SPATA13: variants seen among roughly 807,000 people sequenced by gnomAD.
SPATA13 encodes spermatogenesis-associated protein 13.
In SPATA13, 50 loss-of-function variants were observed where a neutral mutation model predicts 104.0. The ratio of observed to expected loss-of-function variants is 0.48; its 90% CI spans 0.38 to 0.61. The LOEUF is 0.61. Among genes scored for constraint, SPATA13 ranks in the 20% least tolerant of loss-of-function variants. SPATA13 has a pLI of 0.00. For missense variants in SPATA13, 1,524 were observed against 1,690.6 expected, an observed-to-expected ratio of 0.90 and a Z score of 1.73; for synonymous variants, 606 against 667.5, an observed-to-expected ratio of 0.91 and a Z score of 1.42.
intron 2 of SPATA13, among the ~76,000 whole-genome samples, chr13:24,227,261 C>G (rs1871997150): frequency 6.6e-6 from 1 of 152,096 alleles, no homozygotes; most frequent in Non-Finnish European, 1.5e-5. Flanking sequence ...ATTTTATTTT[C>G]TGCTTAACAG....
intron 1 of SPATA13, among the ~76,000 whole-genome samples, chr13:24,172,749 A>G (rs889154665): frequency 1.3e-5 from 2 of 152,232 alleles, no homozygotes; most frequent in Admixed American, 6.5e-5. Flanking sequence ...AGTCTTGATT[A>G]TCACAGCTGC....
rs1321174303 is a variant in SPATA13 at position 24,205,073 on chromosome 13, T to G, written c.-111-17746T>G. ...CTCTCACCATTCCTATTCAACATAG[T>G]TTTAGAAGTTCTGGCCAAAGCAGTC... On this transcript the variant is annotated intron_variant, in intron 1 of 12. Coordinates refer to ENST00000382108, the MANE Select transcript of SPATA13 (RefSeq NM_001166271.3). The surrounding 1 kb of genome is among the most constrained non-coding windows in gnomAD (Gnocchi z 4.1). 6.6e-6 allele frequency among the ~76,000 whole-genome samples: 1 copy of G among 152,110 alleles called. No individual in the cohort carries two copies. The highest frequency in any genetic ancestry group is 2.4e-5 in the African/African-American group (1 of 41,416).
chr13:24,200,898 T>C (rs1388626560), intron 1 of SPATA13, among the ~76,000 whole-genome samples: 1 of 152,128 alleles, frequency 6.6e-6, no homozygotes, highest in Admixed American at 6.5e-5. Flanking sequence ...AATCTTGCTT[T>C]AAAATTGAGG....
chr13:24,032,777 A>C (rs575270142), intron 3 of SPATA13, among the ~76,000 whole-genome samples: 2 of 152,332 alleles, frequency 1.3e-5, no homozygotes, highest in East Asian at 1.9e-4. Context: ...TGCTCACTAC[A>C]TTGGGGTGGC....
chr13:24,038,193 A>T (rs4770558), intron 3 of SPATA13, among the ~76,000 whole-genome samples: 21 of 152,272 alleles, frequency 1.4e-4, no homozygotes, highest in African/African-American at 5.1e-4. Flanking sequence ...GATTACAGGC[A>T]TGAGCCACCG....
At chr13:24,183,865 A>G (rs2138529236) in intron 1 of SPATA13, among the ~76,000 whole-genome samples, 1 of 152,254 alleles carries the variant, frequency 6.6e-6, no homozygotes, top group Non-Finnish European at 1.5e-5. Context: ...GTTTTGCTCC[A>G]TGTGACTTTT....
chr13:24,283,135 G>A (rs1384952243), intron 4 of SPATA13, among the ~76,000 whole-genome samples: 1 of 152,164 alleles, frequency 6.6e-6, no homozygotes, highest in African/African-American at 2.4e-5. Context: ...GCACTGTTCT[G>A]AGTCGCCTGC....
At chr13:24,185,080 C>T (rs1869062341) in intron 1 of SPATA13, among the ~76,000 whole-genome samples, 3 of 152,198 alleles carry the variant, frequency 2.0e-5, no homozygotes, top group Non-Finnish European at 4.4e-5. Context: ...TCTGTCACTG[C>T]ATTTGTTGCC....
intron 3 of SPATA13, among the ~76,000 whole-genome samples, chr13:24,058,895 A>T (rs1426274157): frequency 2.6e-5 from 4 of 151,808 alleles, no homozygotes; most frequent in Admixed American, 2.6e-4. Flanking sequence ...TGTTTACCCC[A>T]GTAATGATGC....
intron 1 of SPATA13, among the ~76,000 whole-genome samples, chr13:24,187,255 C>G (rs948170063): frequency 6.6e-6 from 1 of 152,062 alleles, no homozygotes; most frequent in African/African-American, 2.4e-5. Flanking sequence ...TTGCAGTCAT[C>G]CCTGCCTCAG....
At chr13:24,006,310 T>TAAAC (rs1158907447) in intron 2 of SPATA13, among the ~76,000 whole-genome samples, 1 of 152,210 alleles carries the variant, frequency 6.6e-6, no homozygotes, top group African/African-American at 2.4e-5. Flanking sequence ...CATCAGCAGG[T>TAAAC]AAACACACAG....
intron 3 of SPATA13, among the ~76,000 whole-genome samples, chr13:24,059,651 G>A (rs944121089): frequency 2.0e-5 from 3 of 152,184 alleles, no homozygotes; most frequent in African/African-American, 7.2e-5. Context: ...AAGTATAAGT[G>A]TGTCCATTTT....
At chr13:24,301,120 A>T (rs1339731388) in intron 12 of SPATA13, among the ~76,000 whole-genome samples, 3 of 152,158 alleles carry the variant, frequency 2.0e-5, no homozygotes, top group Admixed American at 2.0e-4. Flanking sequence ...CAGGATGCAG[A>T]TAATCTGGCC....
At chr13:24,301,593 T>C (rs6490891) in intron 12 of SPATA13, among the ~76,000 whole-genome samples, 58,630 of 152,126 alleles carry the variant, frequency 0.39, 11,858 homozygotes, top group East Asian at 0.59. Context: ...CACAGGTGGC[T>C]ACCGGGTGGG....
intron 3 of SPATA13, among the ~76,000 whole-genome samples, chr13:24,032,250 A>G (rs1566079332): frequency 6.6e-6 from 1 of 152,142 alleles, no homozygotes; most frequent in Non-Finnish European, 1.5e-5. Context: ...CTCCTTGGCT[A>G]TAAATTCCCA....
intron 3 of SPATA13, among the ~76,000 whole-genome samples, chr13:24,108,921 C>T (rs373377871): frequency 6.6e-6 from 1 of 152,148 alleles, no homozygotes; most frequent in African/African-American, 2.4e-5. Flanking sequence ...AATCTCTCTT[C>T]CCTGCTTGTA....
intron 1 of SPATA13, among the ~76,000 whole-genome samples, chr13:24,214,411 A>G (rs1175673838): frequency 1.3e-5 from 2 of 152,244 alleles, no homozygotes; most frequent in Admixed American, 1.3e-4. Flanking sequence ...GTGTCACGCC[A>G]TGAGAATAAT....
At chr13:24,178,588 A>T (rs184576754) in intron 1 of SPATA13, among the ~76,000 whole-genome samples, 133 of 152,300 alleles carry the variant, frequency 8.7e-4, no homozygotes, top group African/African-American at 2.9e-3. Context: ...TATTATCTGT[A>T]TAAGAACAAA....
intron 2 of SPATA13, 91 bp downstream of exon 2, chr13:24,224,673 GGTCA>G (rs1871831077): frequency 1.5e-6 from 2 of 1,355,702 alleles, no homozygotes; most frequent in Non-Finnish European, 2.0e-6. Flanking sequence ...AACCTGTCAA[GGTCA>G]GTGGCCCTCT....
Sources: allele counts gnomAD v4.1 joint callset (sites outside exome capture counted in the v4.1 genomes callset), GRCh38; gene constraint gnomAD v4.1.1; non-coding constraint Gnocchi (gnomAD v3.1); transcripts MANE v1.5; gene names NCBI Gene and HGNC (gene_info 2026-07-23, HGNC 2026-07-21).